Variants in CNNM2 observed in about 807,000 individuals in gnomAD.
CNNM2 encodes the protein cyclin and CBS domain divalent metal cation transport mediator 2, also known as metal transporter CNNM2.
Under a neutral mutation model 66.9 loss-of-function variants are expected in CNNM2, and 12 were observed. The observed-to-expected ratio is 0.18, with a 90% confidence interval of 0.11 to 0.29. The LOEUF (loss-of-function observed/expected upper bound fraction) is 0.29. Among genes scored for constraint, CNNM2 ranks in the 10% least tolerant of loss-of-function variants. The pLI is 1.00. For synonymous variants in CNNM2, 557 were observed against 501.8 expected (o/e 1.11, Z -1.47); for missense variants, 705 against 1,167.7 (o/e 0.60, Z 5.77).
chr10:102,968,810 A>G (rs1328531687), intron 1 of CNNM2, among the ~76,000 whole-genome samples: 2 of 151,108 alleles, frequency 1.3e-5, no homozygotes, highest in East Asian at 3.9e-4. Context: ...TATGTTGCCT[A>G]GTCTGGTCTC....
intron 1 of CNNM2, among the ~76,000 whole-genome samples, chr10:102,986,869 AG>A (rs1249080057): frequency 6.6e-5 from 10 of 151,996 alleles, no homozygotes; most frequent in African/African-American, 2.2e-4. Flanking sequence ...AAGCAATAAT[AG>A]GGATTTTGTG....
chr10:103,033,425 C>G (rs185758673), intron 1 of CNNM2, among the ~76,000 whole-genome samples: 1 of 152,280 alleles, frequency 6.6e-6, no homozygotes, highest in Non-Finnish European at 1.5e-5. Flanking sequence ...CTCCAGACCT[C>G]CTGATCTGCC....
intron 2 of CNNM2, among the ~76,000 whole-genome samples, chr10:103,053,880 G>A (rs908824744): frequency 6.6e-6 from 1 of 152,160 alleles, no homozygotes; most frequent in Admixed American, 6.5e-5. Context: ...CAGAGGGAAG[G>A]GGCCTCTTAC....
At chr10:103,050,044 C>CA (rs2065190170) in intron 2 of CNNM2, among the ~76,000 whole-genome samples, 194 bp downstream of exon 2, 1 of 152,166 alleles carries the variant, frequency 6.6e-6, no homozygotes, top group African/African-American at 2.4e-5. Flanking sequence ...CAAGCGACAG[C>CA]ATTCTTCTGA....
At chr10:103,026,269 A>G (rs1262953762) in intron 1 of CNNM2, among the ~76,000 whole-genome samples, 1 of 152,252 alleles carries the variant, frequency 6.6e-6, no homozygotes, top group Non-Finnish European at 1.5e-5. Flanking sequence ...TATAATACTT[A>G]AATTACATAA....
rs1465024415 is a variant in CNNM2, at chr10:103,089,376, A to G, written c.*12196A>G. ...TGTATCCAGATACACTGACATACGG[A>G]TGATTTTAAAAGTGTCACAAGCCAC... On this transcript the variant is annotated 3_prime_UTR_variant, in exon 8 of 8. Coordinates refer to ENST00000369878, the MANE Select transcript of CNNM2 (RefSeq NM_017649.5). The G allele has an allele frequency of 1.0e-5, 3 of 297,858 alleles. No individual in the cohort carries two copies. Among genetic ancestry groups the G allele is most frequent in the Non-Finnish European group, 1.9e-5 (3 of 160,986 alleles). 18.5% of individuals were successfully genotyped at this position (297,858 alleles called of 1,614,324 possible). A position where few individuals can be genotyped will look rare whatever the true frequency, so the allele number is the denominator to read the frequency against.
At chr10:102,952,622 CAAAAAA>C (rs35818455) in intron 1 of CNNM2, among the ~76,000 whole-genome samples, 2 of 127,092 alleles carry the variant, frequency 1.6e-5, no homozygotes, top group Non-Finnish European at 3.4e-5. Context: ...CTGTCTCTAC[CAAAAAA>C]AAAAAAAAAA....
chr10:103,033,777 G>A (rs1185642176), intron 1 of CNNM2, among the ~76,000 whole-genome samples: 1 of 152,140 alleles, frequency 6.6e-6, no homozygotes. Flanking sequence ...GAGCCACCGT[G>A]CCCAGCCCTT....
chr10:103,059,644 T>A (rs969261845), intron 4 of CNNM2, among the ~76,000 whole-genome samples: 3 of 152,210 alleles, frequency 2.0e-5, no homozygotes, highest in Non-Finnish European at 4.4e-5. Flanking sequence ...GAAAAAACTT[T>A]ATTGGCTCTA....
At chr10:103,067,331 G>A (rs2065496228) in intron 4 of CNNM2, among the ~76,000 whole-genome samples, 1 of 152,104 alleles carries the variant, frequency 6.6e-6, no homozygotes, top group African/African-American at 2.4e-5. Flanking sequence ...GTCTCCCAAA[G>A]TGCTGAGGTT....
Position 102,965,446 on chromosome 10 carries a change from C to T in CNNM2, c.1621+45345C>T, listed in dbSNP as rs573121482. ...AGGAAATCAGTTTTTCCCCGGCTGT[C>T]GTTGTGCGCCTCCTTCCAGGGGAGT... On this transcript the variant is annotated intron_variant, in intron 1 of 7. Transcript: ENST00000369878. Among the ~76,000 whole-genome samples, 5 of 152,294 alleles carry T rather than the reference C, an allele frequency of 3.3e-5. No homozygotes were observed. In the South Asian group the frequency reaches 6.2e-4, roughly 19 times the overall value.
At chr10:103,034,006 C>G (rs746318365) in intron 1 of CNNM2, among the ~76,000 whole-genome samples, 12 of 151,900 alleles carry the variant, frequency 7.9e-5, no homozygotes, top group Middle Eastern at 3.4e-3. Context: ...AATATTTTCA[C>G]CCTTTCATTT....
At chr10:103,026,180 C>G (rs1210302149) in intron 1 of CNNM2, among the ~76,000 whole-genome samples, 1 of 152,196 alleles carries the variant, frequency 6.6e-6, no homozygotes, top group Non-Finnish European at 1.5e-5. Context: ...ATTAACCTGT[C>G]TTGGGTATTG....
intron 1 of CNNM2, among the ~76,000 whole-genome samples, chr10:103,043,138 C>T (rs1162652089): frequency 6.6e-6 from 1 of 152,194 alleles, no homozygotes; most frequent in African/African-American, 2.4e-5. Context: ...ACGCAGATGT[C>T]ATGGCGAATG....
At chr10:103,006,728 G>A (rs1352832137) in intron 1 of CNNM2, among the ~76,000 whole-genome samples, 1 of 152,142 alleles carries the variant, frequency 6.6e-6, no homozygotes, top group Non-Finnish European at 1.5e-5. Flanking sequence ...TCTAGCTCAA[G>A]CGGTCCTCCT....
Position 103,076,955 on chromosome 10 carries a change from C to T in CNNM2, c.2419-16C>T, listed in dbSNP as rs747577593. 1.2e-6 allele frequency: 2 copies of T among 1,611,206 alleles called. No homozygotes were observed. Among genetic ancestry groups the T allele is most frequent in the Non-Finnish European group, 1.7e-6 (2 of 1,178,104 alleles). ...CATTATCTTGGTTTGTTTTCTGTGC[C>T]ATCTTCTGGCCCCAGATCTCAAGAC... On this transcript the variant is annotated splice_polypyrimidine_tract_variant and intron_variant, in intron 7 of 7. Transcript: ENST00000369878.
rs1473275691 is a variant in CNNM2 at position 103,088,879 on chromosome 10, T to C, written c.*11699T>C. 4.8e-6 allele frequency: 1 copy of C among 206,394 alleles called. No individual in the cohort carries two copies. Among genetic ancestry groups the C allele is most frequent in the Non-Finnish European group, 9.9e-6 (1 of 101,118 alleles). The allele number at this position is 206,394 out of a possible 1,614,324, so 12.8% of individuals were successfully genotyped here. On this transcript the variant is annotated 3_prime_UTR_variant, in exon 8 of 8. Coordinates refer to ENST00000369878, the MANE Select transcript of CNNM2 (RefSeq NM_017649.5). The stretch of plus-strand genomic sequence containing the variant: ...CTATATAGCCCACACTAATGCATGT[T>C]CTGTAGTATAAGAAGGCAGTTCTTC...
intron 1 of CNNM2, among the ~76,000 whole-genome samples, chr10:102,998,825 A>G (rs2064053643): frequency 6.6e-6 from 1 of 152,192 alleles, no homozygotes; most frequent in African/African-American, 2.4e-5. Flanking sequence ...CTAAAAGACA[A>G]ACAAAAAAAC....
intron 1 of CNNM2, among the ~76,000 whole-genome samples, chr10:102,958,313 G>A: frequency 6.6e-6 from 1 of 152,090 alleles, no homozygotes. Flanking sequence ...GTTTCAAAAA[G>A]CAATATTGTG....
Sources: allele counts gnomAD v4.1 joint callset (sites outside exome capture counted in the v4.1 genomes callset), GRCh38; gene constraint gnomAD v4.1.1; transcripts MANE v1.5; gene names NCBI Gene and HGNC (gene_info 2026-07-23, HGNC 2026-07-21).